The following ENTREP2 variants were observed in gnomAD, a reference collection of about 807,000 sequenced individuals.
The protein encoded by ENTREP2 is endosomal transmembrane epsin interactor 2.
chr15:29,482,393 G>C, the ENTREP2 span, among the ~76,000 whole-genome samples: 10 of 152,120 alleles, frequency 6.6e-5, no homozygotes, highest in Admixed American at 1.3e-4. Context: ...GTTCACTCTT[G>C]GTGTTGTACA....
At chr15:29,301,121 A>G in the ENTREP2 span, among the ~76,000 whole-genome samples, 1 of 152,204 alleles carries the variant, frequency 6.6e-6, no homozygotes, top group African/African-American at 2.4e-5. Flanking sequence ...TGCTACTCAT[A>G]TTTTTATTTT....
chr15:29,553,767 G>A, the ENTREP2 span, among the ~76,000 whole-genome samples: 1 of 152,160 alleles, frequency 6.6e-6, no homozygotes, highest in Non-Finnish European at 1.5e-5. Context: ...TGAGGCCCCA[G>A]CTGCCAGCAG....
At chr15:29,572,038 G>A in the ENTREP2 span, among the ~76,000 whole-genome samples, 1 of 152,154 alleles carries the variant, frequency 6.6e-6, no homozygotes, top group African/African-American at 2.4e-5. Flanking sequence ...CTCGGTTGCT[G>A]GTGCTTGAAA....
At chr15:29,272,992 C>A in the ENTREP2 span, among the ~76,000 whole-genome samples, 11,621 of 152,000 alleles carry the variant, frequency 0.076, 1,471 homozygotes, top group African/African-American at 0.26. Flanking sequence ...TTGGTTTATA[C>A]CAGCAGTGGA....
chr15:29,526,398 T>C, the ENTREP2 span, among the ~76,000 whole-genome samples: 1 of 150,648 alleles, frequency 6.6e-6, no homozygotes, highest in South Asian at 2.1e-4. Flanking sequence ...CCCCCACTGA[T>C]AAATTCCCAC....
At chr15:29,123,645 A>T in the ENTREP2 span, 2 of 1,547,256 alleles carry the variant, frequency 1.3e-6, no homozygotes, top group Non-Finnish European at 8.7e-7. Flanking sequence ...TGGCAGAGCG[A>T]GACATGGAAG....
At chr15:29,548,453 T>TAAA in the ENTREP2 span, among the ~76,000 whole-genome samples, 5 of 134,186 alleles carry the variant, frequency 3.7e-5, 1 homozygote, top group Non-Finnish European at 6.4e-5. Flanking sequence ...AGATTCTGCC[T>TAAA]AAAAAAAAAA....
chr15:29,367,432 T>C, the ENTREP2 span, among the ~76,000 whole-genome samples: 1 of 152,200 alleles, frequency 6.6e-6, no homozygotes, highest in African/African-American at 2.4e-5. Flanking sequence ...TGGGGGTGAC[T>C]GTCAAATACA....
At chr15:29,494,653 C>T in the ENTREP2 span, among the ~76,000 whole-genome samples, 1 of 152,326 alleles carries the variant, frequency 6.6e-6, no homozygotes, top group African/African-American at 2.4e-5. Context: ...CTTTGACCAA[C>T]ACCTACCCAT....
chr15:29,154,718 T>A, the ENTREP2 span, among the ~76,000 whole-genome samples: 14 of 152,222 alleles, frequency 9.2e-5, no homozygotes, highest in Non-Finnish European at 1.5e-5. Flanking sequence ...AGCAGCATCC[T>A]CAGGGCTCGT....
the ENTREP2 span, among the ~76,000 whole-genome samples, chr15:29,219,630 T>C: frequency 3.9e-5 from 1 of 25,670 alleles, no homozygotes; most frequent in African/African-American, 9.9e-5. Context: ...TATATATATA[T>C]ATATATATAT....
chr15:29,222,717 G>A, the ENTREP2 span, among the ~76,000 whole-genome samples: 30 of 152,150 alleles, frequency 2.0e-4, no homozygotes, highest in Admixed American at 2.0e-3. Context: ...TCAGTCTCCA[G>A]ACATTCCAGC....
chr15:29,637,800 A>T, the ENTREP2 span, among the ~76,000 whole-genome samples: 1 of 152,172 alleles, frequency 6.6e-6, no homozygotes, highest in African/African-American at 2.4e-5. Flanking sequence ...TATGAGAGGG[A>T]AGTGTGCAGA....
At chr15:29,179,707 A>C in the ENTREP2 span, among the ~76,000 whole-genome samples, 1 of 151,198 alleles carries the variant, frequency 6.6e-6, no homozygotes. Context: ...CAGCCTCCCG[A>C]GTAGCTGGGA....
the ENTREP2 span, among the ~76,000 whole-genome samples, chr15:29,593,240 C>T: frequency 2.0e-5 from 3 of 152,180 alleles, no homozygotes; most frequent in African/African-American, 7.2e-5. Flanking sequence ...TTAGCTATAA[C>T]GTACTCTCCC....
At chr15:29,327,707 G>C in the ENTREP2 span, among the ~76,000 whole-genome samples, 1 of 152,074 alleles carries the variant, frequency 6.6e-6, no homozygotes, top group African/African-American at 2.4e-5. Flanking sequence ...GTAGGGGACT[G>C]CAAATTAAAG....
chr15:29,136,525 C>T, the ENTREP2 span: 60 of 1,544,084 alleles, frequency 3.9e-5, no homozygotes, highest in East Asian at 7.4e-5. Flanking sequence ...ATCATCACAT[C>T]GTCATTGCCC....
At chr15:29,444,204 A>AC in the ENTREP2 span, among the ~76,000 whole-genome samples, 387 of 147,686 alleles carry the variant, frequency 2.6e-3, 8 homozygotes, top group African/African-American at 9.0e-3. Context: ...GAAAGAAAGA[A>AC]AGAAAGAAAG....
chr15:29,600,902 C>CCTTTTTTTTTTTTTTTT, the ENTREP2 span, among the ~76,000 whole-genome samples: 6 of 123,608 alleles, frequency 4.9e-5, no homozygotes, highest in African/African-American at 1.8e-4. Flanking sequence ...ATTTTTCTTT[C>CCTTTTTTTTTTTTTTTT]TTTTTTTTTT....
Sources: allele counts gnomAD v4.1 joint callset (sites outside exome capture counted in the v4.1 genomes callset), GRCh38; gene constraint gnomAD v4.1.1; transcripts MANE v1.5; gene names NCBI Gene and HGNC (gene_info 2026-07-23, HGNC 2026-07-21).